The following FNBP1 variants were observed in gnomAD, a reference collection of about 807,000 sequenced individuals.
FNBP1 encodes formin-binding protein 1.
In FNBP1, 26 loss-of-function variants were observed where a neutral mutation model predicts 90.6. That is an observed-to-expected ratio of 0.29 (90% CI 0.21 to 0.40). The LOEUF (loss-of-function observed/expected upper bound fraction) is 0.40. Ranked by LOEUF, FNBP1 falls within the 10% of genes least tolerant of loss-of-function variation. FNBP1 has a pLI of 1.00. For synonymous variants in FNBP1, 260 were observed against 265.2 expected (o/e 0.98, Z 0.19); for missense variants, 635 against 768.0 (o/e 0.83, Z 2.05).
intron 2 of FNBP1, 110 bp from the exon 3 acceptor site, chr9:129,979,484 G>A (rs2050846691): frequency 1.4e-6 from 1 of 727,366 alleles, no homozygotes; most frequent in Non-Finnish European, 2.3e-6. Context: ...AACAAAAAAA[G>A]TCCACAGCTG....
chr9:129,904,275 G>A (rs1182110980), intron 12 of FNBP1, among the ~76,000 whole-genome samples: 3 of 152,164 alleles, frequency 2.0e-5, no homozygotes, highest in Non-Finnish European at 4.4e-5. Context: ...TACACACTGT[G>A]GATCCCACAT....
chr9:129,975,624 G>C (rs986639799), intron 4 of FNBP1, among the ~76,000 whole-genome samples: 1 of 151,818 alleles, frequency 6.6e-6, no homozygotes, highest in African/African-American at 2.4e-5. Flanking sequence ...GAATACGAGG[G>C]GGCACGGTGG....
chr9:130,006,753 G>T (rs1302664929), intron 1 of FNBP1, among the ~76,000 whole-genome samples: 1 of 152,154 alleles, frequency 6.6e-6, no homozygotes, highest in Non-Finnish European at 1.5e-5. Context: ...TTGCAGAAAT[G>T]AAAACACTAA....
intron 12 of FNBP1, among the ~76,000 whole-genome samples, chr9:129,905,313 T>TATATATATATATATATATA (rs1554766990): frequency 1.4e-5 from 2 of 145,604 alleles, no homozygotes; most frequent in African/African-American, 5.1e-5. Context: ...TATATATATA[T>TATATATATATATATATATA]TTTGTTAATT....
chr9:129,908,275 C>T (rs2131518891), intron 12 of FNBP1, among the ~76,000 whole-genome samples: 1 of 150,668 alleles, frequency 6.6e-6, no homozygotes, highest in South Asian at 2.1e-4. Context: ...ATGATCATAG[C>T]TCACTGCAGC....
intron 1 of FNBP1, among the ~76,000 whole-genome samples, chr9:130,033,165 A>C (rs1338726603): frequency 6.6e-6 from 1 of 152,174 alleles, no homozygotes; most frequent in East Asian, 1.9e-4. Context: ...CAACAACCTC[A>C]AAGTACTTTA....
chr9:129,912,080 G>A (rs962213512), intron 11 of FNBP1, among the ~76,000 whole-genome samples: 4 of 152,158 alleles, frequency 2.6e-5, no homozygotes, highest in Non-Finnish European at 5.9e-5. Context: ...TGGAAGCCTG[G>A]ACTTGCGACT....
At chr9:129,948,387 T>C (rs945640167) in intron 6 of FNBP1, among the ~76,000 whole-genome samples, 1 of 85,438 alleles carries the variant, frequency 1.2e-5, no homozygotes, top group Non-Finnish European at 2.2e-5. Flanking sequence ...TTTTTTGAGA[T>C]GGACTTTTGC....
At chr9:129,930,625 T>G (rs888818602) in intron 6 of FNBP1, among the ~76,000 whole-genome samples, 1 of 152,190 alleles carries the variant, frequency 6.6e-6, no homozygotes, top group Non-Finnish European at 1.5e-5. Context: ...ATATTCTGAT[T>G]GATCACATAC....
intron 4 of FNBP1, among the ~76,000 whole-genome samples, chr9:129,959,235 C>T (rs1347552846): frequency 1.3e-5 from 2 of 150,750 alleles, no homozygotes; most frequent in East Asian, 2.0e-4. Flanking sequence ...AGGTTGAGGC[C>T]GCAGTGAGCC....
chr9:129,934,267 G>A (rs1188479717), intron 6 of FNBP1, among the ~76,000 whole-genome samples: 4 of 152,120 alleles, frequency 2.6e-5, no homozygotes, highest in Non-Finnish European at 5.9e-5. Context: ...CCCATTCTGA[G>A]AATAAAGACA....
rs111622849 is a variant in FNBP1 at position 129,981,335 on chromosome 9, C to T, written c.141-1961G>A. Among the ~76,000 whole-genome samples, 267 of 152,198 alleles carry T rather than the reference C, an allele frequency of 1.8e-3. 1 individual carries two copies. The highest frequency in any genetic ancestry group is 6.0e-3 in the African/African-American group (250 of 41,550). ...AACTCCTGAGCTCAGGTGATCTGCC[C>T]GCCTCGGCCCCCCAAAGTGCCACTG... On this transcript the variant is annotated intron_variant, in intron 2 of 16. Coordinates refer to ENST00000446176, the MANE Select transcript of FNBP1 (RefSeq NM_015033.3).
chr9:129,915,946 C>A lies in FNBP1; in HGVS notation c.1185+20G>T. 6.3e-7 allele frequency: 1 copy of A among 1,598,336 alleles called. No individual in the cohort carries two copies. The highest frequency in any genetic ancestry group is 8.6e-7 in the Non-Finnish European group (1 of 1,166,918). On this transcript the variant is annotated intron_variant, in intron 11 of 16. Coordinates refer to ENST00000446176, the MANE Select transcript of FNBP1 (RefSeq NM_015033.3). Reference sequence around the variant, plus strand: ...AAAACCTGATTAGACTCAGGACATGCATGGAACAATTGTGCTTACCAGCTT... The same window carrying A: ...AAAACCTGATTAGACTCAGGACATGAATGGAACAATTGTGCTTACCAGCTT...
At chr9:130,016,589 C>T (rs572120330) in intron 1 of FNBP1, among the ~76,000 whole-genome samples, 1 of 152,120 alleles carries the variant, frequency 6.6e-6, no homozygotes, top group Non-Finnish European at 1.5e-5. Context: ...ACTAAAAACA[C>T]AAAATTAGCT....
chr9:129,932,373 T>C (rs1468501858), intron 6 of FNBP1, among the ~76,000 whole-genome samples: 1 of 152,150 alleles, frequency 6.6e-6, no homozygotes, highest in East Asian at 1.9e-4. Flanking sequence ...ACATTTAGTA[T>C]TGGCTTTTTT....
At chr9:129,984,397 T>A (rs560557069) in intron 2 of FNBP1, among the ~76,000 whole-genome samples, 1 of 152,174 alleles carries the variant, frequency 6.6e-6, no homozygotes, top group East Asian at 1.9e-4. Context: ...TTCCTCCCCA[T>A]CACAGGAAGG....
chr9:130,040,345 G>A (rs1450516410), intron 1 of FNBP1, among the ~76,000 whole-genome samples: 2 of 152,154 alleles, frequency 1.3e-5, no homozygotes, highest in Non-Finnish European at 1.5e-5. Context: ...AACGTCAAGC[G>A]TGGTGGCTCA....
chr9:130,005,467 G>A (rs919874448), intron 1 of FNBP1, among the ~76,000 whole-genome samples: 6 of 150,250 alleles, frequency 4.0e-5, no homozygotes, highest in East Asian at 2.0e-4. Context: ...TCAGCCTCCC[G>A]AGTAGCTGGG....
intron 6 of FNBP1, among the ~76,000 whole-genome samples, chr9:129,953,966 A>G (rs1023322542): frequency 6.6e-6 from 1 of 152,030 alleles, no homozygotes; most frequent in Admixed American, 6.6e-5. Context: ...ATACTTTAGG[A>G]GGCTGAGGCT....
Sources: allele counts gnomAD v4.1 joint callset (sites outside exome capture counted in the v4.1 genomes callset), GRCh38; gene constraint gnomAD v4.1.1; transcripts MANE v1.5; gene names NCBI Gene and HGNC (gene_info 2026-07-23, HGNC 2026-07-21).